The following ZNF777 variants were observed in gnomAD, a reference collection of about 807,000 sequenced individuals.
ZNF777 encodes zinc finger protein 777.
In ZNF777, 7 loss-of-function variants were observed where a neutral mutation model predicts 72.1. That is an observed-to-expected ratio of 0.10 (90% CI 0.06 to 0.18). ZNF777 has a LOEUF of 0.18. Among genes scored for constraint, ZNF777 ranks in the 10% least tolerant of loss-of-function variants. The pLI, the probability that ZNF777 is intolerant of heterozygous loss-of-function variation, is 1.00. For synonymous variants in ZNF777, 545 were observed against 483.5 expected, an observed-to-expected ratio of 1.13 and a Z score of -1.67; for missense variants, 828 against 1,128.6, an observed-to-expected ratio of 0.73 and a Z score of 3.82.
In ZNF777 at chr7:149,432,054, G is replaced by T; in HGVS notation, c.2218C>A (p.His740Asn). Residue 740 changes from histidine (H) to asparagine (N), a missense_variant, in exon 6 of 6, where the codon CAC becomes AAC. Physicochemically the swap from His to Asn is moderately conservative, Grantham distance 68. Around this residue, in one of 12 missense-constraint regions of ZNF777, gnomAD observed 49 missense variants for 135.8 expected, o/e 0.36. Transcript: ENST00000247930. ...CGCTCGCGCGAGTGCACGCGGCAGT[G>T]GTTGGTGAGCTTGGACTTCTCGCTG... is the stretch of plus-strand genomic sequence containing the variant. ...SFSEKSKLTNHCRVHSRERPH... is the reference protein window; with the variant it reads ...SFSEKSKLTNNCRVHSRERPH... 6.2e-7 allele frequency: 1 copy of T among 1,607,184 alleles called. No homozygotes were observed.
chr7:149,439,235 C>G (rs951287166), intron 4 of ZNF777, among the ~76,000 whole-genome samples: 4 of 152,034 alleles, frequency 2.6e-5, no homozygotes, highest in Admixed American at 6.6e-5. Context: ...ATCCTTGTCT[C>G]TGCGCTAAAT....
rs753123505 is a variant in ZNF777 at position 149,431,382 on chromosome 7, A to G, written c.*394T>C. On this transcript the variant is annotated 3_prime_UTR_variant, in exon 6 of 6. Transcript: ENST00000247930. ...ACGCTCTTCTTTTAAAAATTACTCT[A>G]TTATTATCAAATAGAACCACAGTAT... 1.0e-5 allele frequency: 4 copies of G among 381,606 alleles called. No homozygotes were observed. The highest frequency in any genetic ancestry group is 7.6e-5 in the South Asian group (4 of 52,514). 23.6% of individuals were successfully genotyped at this position (381,606 alleles called of 1,614,324 possible).
intron 4 of ZNF777, among the ~76,000 whole-genome samples, chr7:149,443,427 C>T (rs1799557316): frequency 6.6e-6 from 1 of 152,078 alleles, no homozygotes; most frequent in African/African-American, 2.4e-5. Flanking sequence ...GGGGGACTTT[C>T]ACTCTCTCTG....
intron 1 of ZNF777, chr7:149,459,875 C>G (rs556827712): frequency 2.0e-6 from 2 of 983,178 alleles, no homozygotes; most frequent in South Asian, 9.4e-5. Context: ...CACCTCGGGG[C>G]CGCGTGTGTG....
In ZNF777 at chr7:149,442,216, CA is replaced by C. The variant is rs528928411; in HGVS notation, c.1088-5391del. On this transcript the variant is annotated intron_variant, in intron 4 of 5. Coordinates refer to ENST00000247930, the MANE Select transcript of ZNF777 (RefSeq NM_015694.3). ...TGGGCGACAGAGTGAGACTCTGTCTCAAAAAAAAAAAAAAAAAAAGTGATAA... is the reference window on the plus strand; with the variant it reads ...TGGGCGACAGAGTGAGACTCTGTCTCAAAAAAAAAAAAAAAAAAGTGATAA... Among the ~76,000 whole-genome samples, 665 of 83,104 alleles carry C rather than the reference CA, an allele frequency of 8.0e-3. 3 individuals carry two copies. The highest frequency in any genetic ancestry group is 0.059 in the East Asian group (156 of 2,662). The allele number at this position is 83,104 out of a possible 152,430, so 54.5% of individuals were successfully genotyped here.
At chr7:149,449,805 A>G (rs1331161502) in intron 4 of ZNF777, among the ~76,000 whole-genome samples, 1 of 152,192 alleles carries the variant, frequency 6.6e-6, no homozygotes. Flanking sequence ...GAAGGAACTC[A>G]GGATTAGCCC....
intron 1 of ZNF777, chr7:149,459,901 G>C: frequency 1.0e-6 from 1 of 972,886 alleles, no homozygotes; most frequent in Non-Finnish European, 1.2e-6. Flanking sequence ...CCGGGCGTGA[G>C]AGCAGCCTCC....
chr7:149,431,683 GCCCCGC>G lies in ZNF777; in HGVS notation c.*87_*92del. ...GCTCACGGCAAAGGGGCTGGGGGGC[GCCCCGC>G]CCCCGCCCGCTGGGCTCGGGCCTGG... On this transcript the variant is annotated 3_prime_UTR_variant, in exon 6 of 6. Coordinates refer to ENST00000247930, the MANE Select transcript of ZNF777 (RefSeq NM_015694.3). 8.8e-7 allele frequency: 1 copy of G among 1,135,510 alleles called. No individual in the cohort carries two copies. The highest frequency in any genetic ancestry group is 1.1e-6 in the Non-Finnish European group (1 of 913,792). The allele number at this position is 1,135,510 out of a possible 1,614,324, so 70.3% of individuals were successfully genotyped here.
chr7:149,452,228 G>A (rs1799733250), intron 3 of ZNF777, among the ~76,000 whole-genome samples: 1 of 151,456 alleles, frequency 6.6e-6, no homozygotes. Context: ...TCGCGCCACT[G>A]CACTCTAGCC....
In ZNF777 at chr7:149,448,510, T is replaced by TATATATATATATAA. The variant is rs1351675498; in HGVS notation, c.1087+2488_1087+2489insTTATATATATATAT. Among the ~76,000 whole-genome samples, 468 of 122,308 alleles carry TATATATATATATAA rather than the reference T, an allele frequency of 3.8e-3. 11 individuals are homozygous for TATATATATATATAA. Among genetic ancestry groups the TATATATATATATAA allele is most frequent in the Non-Finnish European group, 5.1e-3 (315 of 62,186 alleles). The allele number at this position is 122,308 out of a possible 152,430, so 80.2% of individuals were successfully genotyped here. On this transcript the variant is annotated intron_variant, in intron 4 of 5. Transcript: ENST00000247930. ...CTATATATATATATATATATATATA[T>TATATATATATATAA]AACTATATATAGTTATACATATAGT...
At chr7:149,449,265 G>C (rs921927148) in intron 4 of ZNF777, among the ~76,000 whole-genome samples, 1 of 152,228 alleles carries the variant, frequency 6.6e-6, no homozygotes, top group Non-Finnish European at 1.5e-5. Context: ...ATGGTGACTG[G>C]AACAAATGAC....
intron 1 of ZNF777, among the ~76,000 whole-genome samples, chr7:149,457,569 T>C (rs540542210): frequency 6.6e-6 from 1 of 152,370 alleles, no homozygotes; most frequent in Non-Finnish European, 1.5e-5. Flanking sequence ...CAATTCCATA[T>C]CTTCTACAGC....
In ZNF777 at chr7:149,455,416, C is replaced by T; in HGVS notation, c.607G>A (p.Ala203Thr). Residue 203 changes from alanine to threonine, a missense_variant, in exon 2 of 6, where the codon GCC (alanine) becomes ACC (threonine). Transcript: ENST00000247930. This position sits in a 1 kb window ranked among gnomAD's most constrained non-coding sequence, Gnocchi z 4.2. ...CCTTCCAGGGTCAGTAGCCTCATGG[C>T]CTGGGCCTCCAGCTTCCTCTCCACT... ...QAVERKLEAQ[A>T]MRLLTLEGRT... 3.7e-6 allele frequency: 6 copies of T among 1,614,230 alleles called. No homozygotes were observed. The South Asian group carries it at 5.5e-5, about 15-fold the overall frequency.
chr7:149,457,162 C>G (rs1166554670), intron 1 of ZNF777, among the ~76,000 whole-genome samples: 5 of 152,238 alleles, frequency 3.3e-5, no homozygotes, highest in South Asian at 2.1e-4. Context: ...GACCCACGCT[C>G]TCCTTGTTCC....
chr7:149,458,130 T>G (rs888472306), intron 1 of ZNF777, among the ~76,000 whole-genome samples: 2 of 152,218 alleles, frequency 1.3e-5, no homozygotes, highest in African/African-American at 4.8e-5. Context: ...TCATTTAAGT[T>G]GGGGTCAGGG....
intron 4 of ZNF777, among the ~76,000 whole-genome samples, chr7:149,448,536 T>TAC (rs1491366242): frequency 2.9e-5 from 4 of 139,074 alleles, no homozygotes; most frequent in African/African-American, 1.1e-4. Flanking sequence ...TACATATAGT[T>TAC]ATATATATAG....
chr7:149,434,463 T>C (rs1254594886), intron 5 of ZNF777, among the ~76,000 whole-genome samples: 1 of 152,210 alleles, frequency 6.6e-6, no homozygotes, highest in African/African-American at 2.4e-5. Context: ...CAGAGTGTGG[T>C]AACTAGTTGC....
intron 3 of ZNF777, among the ~76,000 whole-genome samples, chr7:149,451,706 A>C (rs1184395664): frequency 1.3e-5 from 2 of 152,176 alleles, no homozygotes; most frequent in Non-Finnish European, 2.9e-5. Flanking sequence ...AAAGAAAAAA[A>C]CAAAAAACTA....
chr7:149,457,043 C>A (rs1189202268), intron 1 of ZNF777, among the ~76,000 whole-genome samples: 1 of 152,090 alleles, frequency 6.6e-6, no homozygotes, highest in African/African-American at 2.4e-5. Flanking sequence ...AGTAGTGAGG[C>A]CTGGAAGGAT....
Sources: allele counts gnomAD v4.1 joint callset (sites outside exome capture counted in the v4.1 genomes callset), GRCh38; gene constraint gnomAD v4.1.1; regional missense constraint gnomAD v4.1.1; non-coding constraint Gnocchi (gnomAD v3.1); transcripts MANE v1.5; gene names NCBI Gene and HGNC (gene_info 2026-07-23, HGNC 2026-07-21).